The following ZNF138 variants were observed in gnomAD, a reference collection of about 807,000 sequenced individuals.
ZNF138 encodes the protein zinc finger protein 138 (clone pHZ-32).
A neutral mutation model predicts 33.0 loss-of-function variants in ZNF138; 33 were observed. The observed-to-expected ratio is 1.00, with a 90% confidence interval of 0.76 to 1.34. ZNF138 has a LOEUF of 1.34. Ranked by LOEUF, ZNF138 falls within the 40% of genes most tolerant of loss-of-function variation. ZNF138 has a pLI of 0.00. For missense variants in ZNF138, 360 were observed against 370.8 expected, an observed-to-expected ratio of 0.97 and a Z score of 0.24; for synonymous variants, 139 against 120.4, an observed-to-expected ratio of 1.15 and a Z score of -1.01.
At chr7:64,805,097 C>T (rs1787469808) in intron 1 of ZNF138, among the ~76,000 whole-genome samples, 2 of 152,060 alleles carry the variant, frequency 1.3e-5, no homozygotes, top group Admixed American at 1.3e-4. Flanking sequence ...TCCATGTCAC[C>T]ACTATAAATA....
intron 3 of ZNF138, among the ~76,000 whole-genome samples, chr7:64,824,799 T>G (rs1789437884): frequency 6.6e-6 from 1 of 152,182 alleles, no homozygotes; most frequent in Admixed American, 6.5e-5. Flanking sequence ...GTGGTTACTA[T>G]TTGCATAGAA....
the ZNF138 span, among the ~76,000 whole-genome samples, chr7:64,848,881 TTTTTAATAGAGACAGCA>T: frequency 1.3e-5 from 2 of 152,034 alleles, no homozygotes. Flanking sequence ...ATTTTTTGTA[TTTTTAATAGAGACAGCA>T]TTTCCCTATG....
the ZNF138 span, among the ~76,000 whole-genome samples, chr7:64,846,902 A>G: frequency 0.017 from 2,534 of 152,314 alleles, 25 homozygotes; most frequent in Non-Finnish European, 0.029. Flanking sequence ...TAGATTTGTC[A>G]TAGATGGCTT....
At chr7:64,850,017 C>T in the ZNF138 span, among the ~76,000 whole-genome samples, 3 of 152,204 alleles carry the variant, frequency 2.0e-5, no homozygotes, top group South Asian at 6.2e-4. Context: ...TGGAGGTTTC[C>T]TTCTCCCTGT....
At chr7:64,849,816 C>T in the ZNF138 span, among the ~76,000 whole-genome samples, 1 of 152,118 alleles carries the variant, frequency 6.6e-6, no homozygotes, top group South Asian at 2.1e-4. Context: ...CCCCCAAGAG[C>T]ACCGAGTGTT....
At chr7:64,830,912 G>A in intron 3 of ZNF138, 1 of 1,542,684 alleles carries the variant, frequency 6.5e-7, no homozygotes, top group Non-Finnish European at 8.7e-7. Context: ...GTAGTCACTT[G>A]CTACAACTGT....
chr7:64,831,909 T>C lies in ZNF138; in HGVS notation c.667T>C (p.Tyr223His). 1 of 1,613,806 alleles carries C rather than the reference T, an allele frequency of 6.2e-7. No individual in the cohort carries two copies. The highest frequency in any genetic ancestry group is 2.2e-5 in the East Asian group (1 of 44,848). The part of the protein sequence containing the change: ...PKKIHTGEKP[Y>H]KCEVCGKAFH... Reference sequence around the variant, plus strand: ...GAAAATTCATACTGGAGAAAAACCCTACAAATGTGAAGTATGTGGAAAAGC... The same window carrying C: ...GAAAATTCATACTGGAGAAAAACCCCACAAATGTGAAGTATGTGGAAAAGC... The change falls in exon 4 of 4, where the codon TAC (tyrosine) becomes CAC (histidine). Residue 223 changes from tyrosine (Y) to histidine (H), a missense_variant. Physicochemically the swap from Tyr to His is moderately conservative, Grantham distance 83. Coordinates refer to ENST00000307355, the MANE Select transcript of ZNF138 (RefSeq NM_001271639.2).
At chr7:64,854,393 A>G in the ZNF138 span, among the ~76,000 whole-genome samples, 5 of 152,168 alleles carry the variant, frequency 3.3e-5, no homozygotes, top group African/African-American at 1.2e-4. Flanking sequence ...GGCACACACT[A>G]CCACACCTGG....
Position 64,832,479 on chromosome 7 carries a change from C to A in ZNF138, c.*277C>A. ...AATCCTTAGTACACATAAGAAAATT[C>A]ATACTGGGGAGAAACCCCACAAATG... On this transcript the variant is annotated 3_prime_UTR_variant, in exon 4 of 4. Transcript: ENST00000307355. The A allele has an allele frequency of 8.0e-7, 1 of 1,244,546 alleles. No individual in the cohort carries two copies. The highest frequency in any genetic ancestry group is 1.1e-6 in the Non-Finnish European group (1 of 934,646). 77.1% of individuals were successfully genotyped at this position (1,244,546 alleles called of 1,614,324 possible).
the ZNF138 span, among the ~76,000 whole-genome samples, chr7:64,847,168 T>C: frequency 6.6e-6 from 1 of 151,944 alleles, no homozygotes; most frequent in African/African-American, 2.4e-5. Flanking sequence ...GCTAGTATTT[T>C]CTTAAGAACT....
rs1788261921 is a variant in ZNF138, at chr7:64,812,545, A to T, written c.4-2373A>T. On this transcript the variant is annotated intron_variant, in intron 1 of 3. Coordinates refer to ENST00000307355, the MANE Select transcript of ZNF138 (RefSeq NM_001271639.2). ...TGATGGGGACAGAGCAGTGTGGCCC[A>T]TATTTCCATTACTGTAGTAGAAATT... Among the ~76,000 whole-genome samples, 3 of 152,116 alleles carry T rather than the reference A, an allele frequency of 2.0e-5. No individual in the cohort carries two copies. The South Asian group carries it at 6.2e-4, about 31-fold the overall frequency.
intron 1 of ZNF138, among the ~76,000 whole-genome samples, chr7:64,812,513 T>G (rs1010762280): frequency 6.6e-6 from 1 of 152,182 alleles, no homozygotes; most frequent in Non-Finnish European, 1.5e-5. Flanking sequence ...CTGGTTCTAT[T>G]TGGATTTGAT....
At chr7:64,804,346 T>A (rs1018188851) in intron 1 of ZNF138, among the ~76,000 whole-genome samples, 2 of 152,188 alleles carry the variant, frequency 1.3e-5, no homozygotes, top group Admixed American at 1.3e-4. Context: ...TACCCCCTGC[T>A]TGCTCAATTG....
intron 1 of ZNF138, among the ~76,000 whole-genome samples, chr7:64,795,624 C>T (rs550290179): frequency 1.3e-5 from 2 of 151,224 alleles, no homozygotes; most frequent in East Asian, 1.9e-4. Context: ...AAATATTTCC[C>T]ATGAGAAGAA....
At chr7:64,853,342 C>G in the ZNF138 span, 1 of 1,575,888 alleles carries the variant, frequency 6.3e-7, no homozygotes, top group African/African-American at 1.4e-5. Context: ...TTAAAGGACT[C>G]CCATGTAGAT....
Position 64,831,850 on chromosome 7 carries a change from C to T in ZNF138, c.608C>T (p.Thr203Ile). The T allele has an allele frequency of 6.2e-7, 1 of 1,613,822 alleles. No individual in the cohort carries two copies. The highest frequency in any genetic ancestry group is 8.5e-7 in the Non-Finnish European group (1 of 1,179,912). The change falls in exon 4 of 4, where the codon ACC becomes ATC. Residue 203 changes from threonine to isoleucine, a missense_variant. Thr to Ile is a moderately conservative substitution (Grantham distance 89). Coordinates refer to ENST00000307355, the MANE Select transcript of ZNF138 (RefSeq NM_001271639.2). The part of the protein sequence containing the change: ...NFYKCEECGK[T>I]FNWSTNLSKP... ...TACAAATGTGAAGAGTGTGGAAAAA[C>T]CTTTAACTGGTCCACAAACCTTTCT...
At chr7:64,809,146 TC>T (rs1308218940) in intron 1 of ZNF138, among the ~76,000 whole-genome samples, 1 of 117,230 alleles carries the variant, frequency 8.5e-6, no homozygotes, top group Non-Finnish European at 1.8e-5. Context: ...GCTCCTCACT[TC>T]CCAGTAGGGG....
the ZNF138 span, among the ~76,000 whole-genome samples, chr7:64,843,113 T>C: frequency 6.6e-6 from 1 of 152,198 alleles, no homozygotes; most frequent in Non-Finnish European, 1.5e-5. Context: ...ATATAATGTT[T>C]TCCTCCAGGT....
chr7:64,827,859 A>G (rs529586402), intron 3 of ZNF138, among the ~76,000 whole-genome samples: 16 of 152,262 alleles, frequency 1.1e-4, no homozygotes, highest in Middle Eastern at 3.4e-3. Context: ...CCTCACACCA[A>G]TCAGTTGTAT....
Sources: gnomAD v4.1 joint callset for allele counts (sites outside exome capture counted in the v4.1 genomes callset) on GRCh38, gnomAD v4.1.1 for gene constraint, MANE v1.5 for transcripts, NCBI Gene and HGNC (gene_info 2026-07-23, HGNC 2026-07-21) for gene names.